The following ARID5A variants were observed in gnomAD, a reference collection of about 807,000 sequenced individuals.
ARID5A encodes AT-rich interaction domain 5A.
Under a neutral mutation model 30.5 loss-of-function variants are expected in ARID5A, and 14 were observed. The observed-to-expected ratio is 0.46, with a 90% CI of 0.30 to 0.72. The LOEUF (loss-of-function observed/expected upper bound fraction) is 0.72. ARID5A is among the 30% of genes least tolerant of loss of function. The pLI is 0.07. For synonymous variants in ARID5A, 338 were observed against 340.4 expected (o/e 0.99, Z 0.08); for missense variants, 669 against 786.2 (o/e 0.85, Z 1.78).
In ARID5A at chr2:96,552,177, G is replaced by A. The variant is rs370707974; in HGVS notation, c.1649G>A (p.Gly550Asp). 2 of 1,613,370 alleles carry A rather than the reference G, an allele frequency of 1.2e-6. No homozygotes were observed. The highest frequency in any genetic ancestry group is 1.7e-5 in the Admixed American group (1 of 60,014). ...GCAGGCCCCTCGCCCATGGCCGCTGGCCTGATGCACTTCCCCCCAACGTCC... is the reference window on the plus strand; with the variant it reads ...GCAGGCCCCTCGCCCATGGCCGCTGACCTGATGCACTTCCCCCCAACGTCC... ...ATAGPSPMAA[G>D]LMHFPPTSFD... is the part of the protein sequence containing the mutation. The change falls in exon 7 of 7, where the codon GGC becomes GAC. Residue 550 changes from glycine (G) to aspartate (D), a missense_variant. By Grantham distance (94) the Gly-to-Asp change is moderately conservative (BLOSUM62 -1). This residue lies in a region of ARID5A where 548 missense variants were observed against 577.4 expected (regional missense o/e 0.95). Transcript: ENST00000357485.
rs138653819 is a variant in ARID5A at position 96,552,199 on chromosome 2, G to A, written c.1671G>A (p.Thr557=). Reference sequence around the variant, plus strand: ...CTGGCCTGATGCACTTCCCCCCAACGTCCTTCGACAGTGCCCTCCGCCACA... The same window carrying A: ...CTGGCCTGATGCACTTCCCCCCAACATCCTTCGACAGTGCCCTCCGCCACA... ...MAAGLMHFPP[T]SFDSALRHRL... The change falls in exon 7 of 7, where the codon ACG becomes ACA. Residue 557 remains threonine, a synonymous_variant. Coordinates refer to ENST00000357485, the MANE Select transcript of ARID5A (RefSeq NM_212481.3). 76 of 1,613,326 alleles carry A rather than the reference G, an allele frequency of 4.7e-5. No individual in the cohort carries two copies. The highest frequency in any genetic ancestry group is 3.3e-4 in the Middle Eastern group (2 of 6,082).
intron 1 of ARID5A, among the ~76,000 whole-genome samples, chr2:96,545,840 G>C (rs1028381122): frequency 6.6e-6 from 1 of 151,988 alleles, no homozygotes. Context: ...TGTAGTCCCA[G>C]CTACTCGGGA....
rs1195001446 is a variant in ARID5A, at chr2:96,539,951, T to C, written c.4+3121T>C. Among the ~76,000 whole-genome samples the C allele has an allele frequency of 2.0e-5, 3 of 152,198 alleles. No homozygotes were observed. The highest frequency in any genetic ancestry group is 4.4e-5 in the Non-Finnish European group (3 of 68,028). ...CATTAGAAAGAAAAAAATCTCTAGCTCTCAGGGATCAGCGTCTCTCAGGAG... is the reference window on the plus strand; with the variant it reads ...CATTAGAAAGAAAAAAATCTCTAGCCCTCAGGGATCAGCGTCTCTCAGGAG... On this transcript the variant is annotated intron_variant, in intron 1 of 6. Transcript: ENST00000357485. The surrounding 1 kb of genome is among the most constrained non-coding windows in gnomAD (Gnocchi z 4.7).
At position 96,551,861 on chromosome 2, in the gene ARID5A, CGCAGCCTG is replaced by C. The variant is rs1558622832; in HGVS notation, c.1335_1342del (p.Ser446GlyfsTer19). On this transcript the variant is annotated frameshift_variant, in exon 7 of 7. Coordinates refer to ENST00000357485, the MANE Select transcript of ARID5A (RefSeq NM_212481.3). LOFTEE classifies it high-confidence loss of function. ...CAGTAGCCCAGGCCTGGGCAGCAAG[CGCAGCCTG>C]GAGGAAGAGGGTGCTGCCCACAGTG... 1 of 1,591,658 alleles carries C rather than the reference CGCAGCCTG, an allele frequency of 6.3e-7. No individual in the cohort carries two copies. The highest frequency in any genetic ancestry group is 1.8e-5 in the Admixed American group (1 of 55,070).
Position 96,550,195 on chromosome 2 carries a change from G to T in ARID5A, c.320G>T (p.Gly107Val). ...CACGAGGTGCCCTTGCAGGTGACCG[G>T]GCGCCGCCTCTGGAAGAACGTGTAC... is the stretch of plus-strand genomic sequence containing the variant. ...EKLGAYELVT[G>V]RRLWKNVYDE... The change falls in exon 5 of 7, where the codon GGG becomes GTG. Residue 107 changes from glycine to valine, a missense_variant. Physicochemically the swap from Gly to Val is moderately radical, Grantham distance 109 (BLOSUM62 -3). Around this residue, in one of 4 missense-constraint regions of ARID5A, gnomAD observed 64 missense variants for 119.7 expected, o/e 0.53. Coordinates refer to ENST00000357485, the MANE Select transcript of ARID5A (RefSeq NM_212481.3). The surrounding 1 kb of genome is among the most constrained non-coding windows in gnomAD (Gnocchi z 6.6). The T allele has an allele frequency of 6.5e-7, 1 of 1,534,782 alleles. No individual in the cohort carries two copies.
intron 2 of ARID5A, among the ~76,000 whole-genome samples, chr2:96,547,821 T>C (rs770183247): frequency 9.2e-5 from 14 of 152,312 alleles, no homozygotes; most frequent in Non-Finnish European, 1.9e-4. Context: ...ATGCATAACA[T>C]GGGCGTATAA....
Position 96,551,199 on chromosome 2 carries a change from G to A in ARID5A, c.671G>A (p.Gly224Glu). The A allele has an allele frequency of 6.2e-7, 1 of 1,613,982 alleles. No individual in the cohort carries two copies. The highest frequency in any genetic ancestry group is 8.5e-7 in the Non-Finnish European group (1 of 1,179,996). The change falls in exon 7 of 7, where the codon GGG becomes GAG. Residue 224 changes from glycine to glutamate, a missense_variant. Gly to Glu is a moderately conservative substitution (Grantham distance 98). Transcript: ENST00000357485. Reference sequence around the variant, plus strand: ...ACAGAACAGCAGGGCCTGGCCTCTGGGTCTTCTGTGTCCTTTGTGGGTGCC... The same window carrying A: ...ACAGAACAGCAGGGCCTGGCCTCTGAGTCTTCTGTGTCCTTTGTGGGTGCC... ...NSTEQQGLAS[G>E]SSVSFVGASG...
intron 2 of ARID5A, among the ~76,000 whole-genome samples, chr2:96,548,326 C>T (rs1317016565): frequency 6.6e-6 from 1 of 152,042 alleles, no homozygotes; most frequent in African/African-American, 2.4e-5. Context: ...AGTGCAGTGG[C>T]ACAATCTTGG....
intron 1 of ARID5A, among the ~76,000 whole-genome samples, chr2:96,545,207 A>C (rs1573191360): frequency 8.0e-6 from 1 of 125,020 alleles, no homozygotes; most frequent in East Asian, 2.3e-4. Flanking sequence ...CCCAGACTGG[A>C]GTACAGTGGA....
At chr2:96,540,505 C>T (rs1006727230) in intron 1 of ARID5A, among the ~76,000 whole-genome samples, 2 of 152,166 alleles carry the variant, frequency 1.3e-5, no homozygotes, top group African/African-American at 4.8e-5. Flanking sequence ...CTACTGTTAT[C>T]AGGGTTTTTC....
chr2:96,547,586 A>G, intron 2 of ARID5A, 69 bp downstream of exon 2: 1 of 1,460,394 alleles, frequency 6.8e-7, no homozygotes, highest in Non-Finnish European at 9.5e-7. Flanking sequence ...CTCCGCCTCC[A>G]GGTGAACCTG....
At position 96,551,120 on chromosome 2, in the gene ARID5A, G is replaced by C; in HGVS notation, c.592G>C (p.Ala198Pro). ...CCAGATGATGCCAGGAAAGACCAAA[G>C]CAGATGCTGCTGACCCAGCACCACT... ...MDQMMPGKTKADAADPAPLPS... is the reference protein window; with the variant it reads ...MDQMMPGKTKPDAADPAPLPS... Residue 198 changes from alanine to proline, a missense_variant, in exon 7 of 7, where the codon GCA becomes CCA. By Grantham distance (27) the Ala-to-Pro change is conservative. Coordinates refer to ENST00000357485, the MANE Select transcript of ARID5A (RefSeq NM_212481.3). 1 of 1,612,694 alleles carries C rather than the reference G, an allele frequency of 6.2e-7. No individual in the cohort carries two copies. Among genetic ancestry groups the C allele is most frequent in the Non-Finnish European group, 8.5e-7 (1 of 1,179,450 alleles).
At position 96,551,303 on chromosome 2, in the gene ARID5A, G is replaced by A. The variant is rs2066037253; in HGVS notation, c.775G>A (p.Ala259Thr). Residue 259 changes from alanine (A) to threonine (T), a missense_variant, in exon 7 of 7, where the codon GCC (alanine) becomes ACC (threonine). Around this residue, in one of 4 missense-constraint regions of ARID5A, gnomAD observed 548 missense variants for 577.4 expected, o/e 0.95. Coordinates refer to ENST00000357485, the MANE Select transcript of ARID5A (RefSeq NM_212481.3). ...KGTHGIMSPL[A>T]KKKLLAQVSK... ...GACACACGGCATCATGTCACCACTGGCCAAAAAGAAGCTCCTGGCCCAGGT... is the reference window on the plus strand; with the variant it reads ...GACACACGGCATCATGTCACCACTGACCAAAAAGAAGCTCCTGGCCCAGGT... The A allele has an allele frequency of 6.2e-7, 1 of 1,613,812 alleles. No homozygotes were observed. The highest frequency in any genetic ancestry group is 2.2e-5 in the East Asian group (1 of 44,872).
intron 1 of ARID5A, among the ~76,000 whole-genome samples, chr2:96,542,207 G>A (rs760465475): frequency 6.6e-6 from 1 of 152,176 alleles, no homozygotes; most frequent in Non-Finnish European, 1.5e-5. Context: ...GGAGACCAAG[G>A]GGGAGAGGAC....
Position 96,552,212 on chromosome 2 carries a change from G to T in ARID5A, c.1684G>T (p.Ala562Ser), listed in dbSNP as rs1558623906. The stretch of plus-strand genomic sequence containing the variant: ...CTTCCCCCCAACGTCCTTCGACAGT[G>T]CCCTCCGCCACAGACTTTGCCCGGC... ...MHFPPTSFDS[A>S]LRHRLCPASS... The change falls in exon 7 of 7, where the codon GCC becomes TCC. Residue 562 changes from alanine (A) to serine (S), a missense_variant. Physicochemically the swap from Ala to Ser is moderately conservative, Grantham distance 99. Transcript: ENST00000357485. 1.9e-6 allele frequency: 3 copies of T among 1,613,456 alleles called. No individual in the cohort carries two copies. The highest frequency in any genetic ancestry group is 2.5e-6 in the Non-Finnish European group (3 of 1,179,988).
At position 96,539,703 on chromosome 2, in the gene ARID5A, G is replaced by T. The variant is rs2065810603; in HGVS notation, c.4+2873G>T. ...GGGAAGTTGATTCATAGAGTGTGGG[G>T]GCCATGCCCCTTCCCGGCCCTCCCC... On this transcript the variant is annotated intron_variant, in intron 1 of 6. Coordinates refer to ENST00000357485, the MANE Select transcript of ARID5A (RefSeq NM_212481.3). This position sits in a 1 kb window ranked among gnomAD's most constrained non-coding sequence, Gnocchi z 4.7. Among the ~76,000 whole-genome samples, 1 of 152,124 alleles carries T rather than the reference G, an allele frequency of 6.6e-6. No individual in the cohort carries two copies. Among genetic ancestry groups the T allele is most frequent in the Middle Eastern group, 3.2e-3 (1 of 316 alleles).
chr2:96,545,156 C>CTTTTTTTTTT (rs35156624), intron 1 of ARID5A, among the ~76,000 whole-genome samples: 2 of 116,336 alleles, frequency 1.7e-5, no homozygotes, highest in Non-Finnish European at 1.8e-5. Flanking sequence ...TTTTCTTTTT[C>CTTTTTTTTTT]TTTTTTTTTT....
At position 96,537,731 on chromosome 2, in the gene ARID5A, G is replaced by A. The variant is rs2065764663; in HGVS notation, c.4+901G>A. 1 of 428,518 alleles carries A rather than the reference G, an allele frequency of 2.3e-6. No individual in the cohort carries two copies. Among genetic ancestry groups the A allele is most frequent in the African/African-American group, 2.2e-5 (1 of 46,492 alleles). 26.5% of individuals were successfully genotyped at this position (428,518 alleles called of 1,614,324 possible). ...GCGGGCCAACCCGGGCCCGCGCTCC[G>A]TCCCTCCGCGGTGTCTAGGGGTCGC... On this transcript the variant is annotated intron_variant, in intron 1 of 6. Transcript: ENST00000357485. This position sits in a 1 kb window ranked among gnomAD's most constrained non-coding sequence, Gnocchi z 4.8.
chr2:96,551,351 T>C lies in ARID5A; in HGVS notation c.823T>C (p.Cys275Arg), dbSNP rs767184713. 3.7e-6 allele frequency: 6 copies of C among 1,613,028 alleles called. No individual in the cohort carries two copies. The African/African-American group carries it at 8.0e-5, about 22-fold the overall frequency. The part of the protein sequence containing the change: ...AQVSKVEALQ[C>R]QEEGCRHGAE... ...GGTGAGCAAGGTGGAGGCCTTGCAG[T>C]GCCAGGAGGAGGGCTGCCGCCATGG... Residue 275 changes from cysteine to arginine, a missense_variant, in exon 7 of 7, where the codon TGC becomes CGC. By Grantham distance (180) the Cys-to-Arg change is radical. Around this residue, in one of 4 missense-constraint regions of ARID5A, gnomAD observed 548 missense variants for 577.4 expected, o/e 0.95. Coordinates refer to ENST00000357485, the MANE Select transcript of ARID5A (RefSeq NM_212481.3).
Sources: allele counts gnomAD v4.1 joint callset (sites outside exome capture counted in the v4.1 genomes callset), GRCh38; gene constraint gnomAD v4.1.1; regional missense constraint gnomAD v4.1.1; non-coding constraint Gnocchi (gnomAD v3.1); transcripts MANE v1.5; gene names NCBI Gene and HGNC (gene_info 2026-07-23, HGNC 2026-07-21).